The following PAN3 variants were observed in gnomAD, a reference collection of about 807,000 sequenced individuals.
The protein encoded by PAN3 is PAN2-PAN3 deadenylation complex subunit PAN3.
A neutral mutation model predicts 96.2 loss-of-function variants in PAN3; 19 were observed. The ratio of observed to expected loss-of-function variants is 0.20; its 90% CI spans 0.14 to 0.29. PAN3 has a LOEUF of 0.29. Ranked by LOEUF, PAN3 falls within the 10% of genes least tolerant of loss-of-function variation. The probability of loss-of-function intolerance (pLI) is 1.00; values close to 1 mark genes in which losing one functional copy is unlikely to be tolerated. For synonymous variants in PAN3, 433 were observed against 406.6 expected, an observed-to-expected ratio of 1.06 and a Z score of -0.78; for missense variants, 882 against 1,108.1, an observed-to-expected ratio of 0.80 and a Z score of 2.90.
chr13:28,255,415 T>C (rs548459900), intron 6 of PAN3, among the ~76,000 whole-genome samples: 1 of 152,310 alleles, frequency 6.6e-6, no homozygotes, highest in African/African-American at 2.4e-5. Flanking sequence ...TTTAAGTTAT[T>C]TTATGTCTTT....
chr13:28,158,958 A>G (rs1456472003), intron 1 of PAN3, among the ~76,000 whole-genome samples: 3 of 152,128 alleles, frequency 2.0e-5, no homozygotes, highest in African/African-American at 7.2e-5. Context: ...ATCTCATACC[A>G]GTCAGAATGA....
intron 1 of PAN3, among the ~76,000 whole-genome samples, chr13:28,173,861 T>C (rs1476006335): frequency 1.3e-5 from 2 of 152,216 alleles, no homozygotes; most frequent in African/African-American, 4.8e-5. Flanking sequence ...GTGAGTCTGC[T>C]GGTTTGTTTC....
chr13:28,270,628 A>T, intron 12 of PAN3, 73 bp from the exon 13 acceptor site: 1 of 1,484,502 alleles, frequency 6.7e-7, no homozygotes, highest in South Asian at 1.2e-5. Flanking sequence ...GTCTTTGCTA[A>T]TTTTGATGTT....
At chr13:28,235,696 T>TACACACACACACACACACACACACAC (rs34812975) in intron 6 of PAN3, among the ~76,000 whole-genome samples, 23 of 140,726 alleles carry the variant, frequency 1.6e-4, no homozygotes, top group South Asian at 1.2e-3. Flanking sequence ...CACACACACA[T>TACACACACACACACACACACACACAC]ACACACACAC....
At chr13:28,266,420 A>G (rs960509615) in intron 9 of PAN3, among the ~76,000 whole-genome samples, 3 of 151,782 alleles carry the variant, frequency 2.0e-5, no homozygotes, top group Non-Finnish European at 2.9e-5. Context: ...GATAACTCAA[A>G]TTATTTATAA....
intron 4 of PAN3, among the ~76,000 whole-genome samples, chr13:28,181,108 C>T (rs556833123): frequency 6.6e-6 from 1 of 152,298 alleles, no homozygotes. Context: ...GAGGTAGGAG[C>T]TTTAGTAAAC....
At chr13:28,210,328 T>C (rs1015217936) in intron 5 of PAN3, among the ~76,000 whole-genome samples, 1 of 152,190 alleles carries the variant, frequency 6.6e-6, no homozygotes, top group African/African-American at 2.4e-5. Context: ...TTGATCTTCA[T>C]TTGCCGGGTT....
rs1886277273 is a variant in PAN3 at position 28,267,459 on chromosome 13, G to A, written c.1792+58G>A. The A allele has an allele frequency of 4.3e-5, 59 of 1,367,110 alleles. 1 individual carries two copies. The South Asian group carries it at 7.0e-4, about 16-fold the overall frequency. The allele number at this position is 1,367,110 out of a possible 1,614,324, so 84.7% of individuals were successfully genotyped here. On this transcript the variant is annotated intron_variant, in intron 12 of 18. Coordinates refer to ENST00000380958, the MANE Select transcript of PAN3 (RefSeq NM_175854.8). ...ACTAATGCTTTTGCTCTGTGGAAGA[G>A]TAGTTTTCTATTTTAAAATACGTAT...
chr13:28,183,957 T>G (rs1284535301), intron 4 of PAN3, among the ~76,000 whole-genome samples: 1 of 152,132 alleles, frequency 6.6e-6, no homozygotes, highest in Non-Finnish European at 1.5e-5. Context: ...TGTTGTTAAT[T>G]AAGTATCCCT....
intron 4 of PAN3, among the ~76,000 whole-genome samples, chr13:28,187,042 A>C (rs924838469): frequency 2.6e-5 from 4 of 152,018 alleles, no homozygotes; most frequent in Non-Finnish European, 5.9e-5. Flanking sequence ...TTAAAAAGAA[A>C]AAGCCCTCGT....
At chr13:28,286,636 G>A (rs1467130593) in intron 17 of PAN3, among the ~76,000 whole-genome samples, 1 of 152,142 alleles carries the variant, frequency 6.6e-6, no homozygotes, top group Non-Finnish European at 1.5e-5. Flanking sequence ...ATCTGCCTCT[G>A]CATTCCAGAT....
chr13:28,281,008 C>G (rs1887429217), intron 16 of PAN3, among the ~76,000 whole-genome samples: 1 of 152,188 alleles, frequency 6.6e-6, no homozygotes, highest in South Asian at 2.1e-4. Flanking sequence ...ATTTTAATTT[C>G]TTATGTCCTC....
intron 1 of PAN3, among the ~76,000 whole-genome samples, chr13:28,146,385 C>T (rs1870650507): frequency 6.6e-6 from 1 of 151,634 alleles, no homozygotes; most frequent in Admixed American, 6.6e-5. Flanking sequence ...CTTCCCCCTG[C>T]CCCTCCTCCC....
chr13:28,277,088 C>T, intron 14 of PAN3, 149 bp from the exon 15 acceptor site: 1 of 764,188 alleles, frequency 1.3e-6, no homozygotes, highest in African/African-American at 1.8e-5. Flanking sequence ...TTAATAAGCT[C>T]CAGGTTATTC....
intron 14 of PAN3, among the ~76,000 whole-genome samples, chr13:28,273,600 C>CA (rs34103436): frequency 0.036 from 5,033 of 138,288 alleles, 187 homozygotes; most frequent in African/African-American, 0.097. Context: ...GACTCCATCT[C>CA]AAAAAAAAAA....
intron 6 of PAN3, among the ~76,000 whole-genome samples, chr13:28,251,062 CTTTGA>C (rs1166913745): frequency 1.3e-5 from 2 of 151,904 alleles, no homozygotes; most frequent in Non-Finnish European, 2.9e-5. Context: ...TTGTTTCACT[CTTTGA>C]TTTATCTACT....
At chr13:28,192,741 C>T (rs924025460) in intron 4 of PAN3, among the ~76,000 whole-genome samples, 3 of 152,070 alleles carry the variant, frequency 2.0e-5, no homozygotes, top group Admixed American at 6.5e-5. Context: ...TAGAACAGTT[C>T]CTGATACAAA....
chr13:28,223,141 C>T (rs1198925780), intron 6 of PAN3, among the ~76,000 whole-genome samples: 78 of 152,078 alleles, frequency 5.1e-4, no homozygotes, highest in Non-Finnish European at 4.4e-5. Context: ...TTGTTTTGAT[C>T]ACTTAAGAAA....
intron 5 of PAN3, among the ~76,000 whole-genome samples, chr13:28,207,042 CAG>C (rs1321961691): frequency 1.3e-5 from 2 of 152,152 alleles, no homozygotes; most frequent in African/African-American, 4.8e-5. Context: ...CCCCCTCTCA[CAG>C]AGGCAGGGCG....
Sources: allele counts gnomAD v4.1 joint callset (sites outside exome capture counted in the v4.1 genomes callset), GRCh38; gene constraint gnomAD v4.1.1; transcripts MANE v1.5; gene names NCBI Gene and HGNC (gene_info 2026-07-23, HGNC 2026-07-21).